Variants in SPPL2B observed in about 807,000 individuals in gnomAD.
The protein encoded by SPPL2B is signal peptide peptidase-like 2B.
A neutral mutation model predicts 59.7 loss-of-function variants in SPPL2B; 39 were observed. The ratio of observed to expected loss-of-function variants is 0.65; its 90% CI spans 0.51 to 0.85. The LOEUF (loss-of-function observed/expected upper bound fraction) is 0.85, where lower values mean the gene tolerates loss of function less well. Ranked by LOEUF, SPPL2B falls within the 40% of genes least tolerant of loss-of-function variation. The pLI, the probability that SPPL2B is intolerant of heterozygous loss-of-function variation, is 0.00. For synonymous variants in SPPL2B, 419 were observed against 370.8 expected (o/e 1.13, Z -1.49); for missense variants, 865 against 849.0 (o/e 1.02, Z -0.23).
chr19:2,343,360 C>T (rs747290001), intron 9 of SPPL2B, 68 bp downstream of exon 9: 20 of 1,312,460 alleles, frequency 1.5e-5, no homozygotes, highest in Admixed American at 5.9e-5. Context: ...TAGCCTGGCC[C>T]GTGTGGGGCT....
chr19:2,353,784 C>T lies in SPPL2B; in HGVS notation c.*575C>T, dbSNP rs147148898. On this transcript the variant is annotated 3_prime_UTR_variant, in exon 15 of 15. Transcript: ENST00000613503. The stretch of plus-strand genomic sequence containing the variant: ...CCCCTGACGCTGGCTGAGACAGGCC[C>T]GTGGGGCGGGGTTTTGGGGCGTGAA... The T allele has an allele frequency of 1.3e-5, 2 of 154,508 alleles. No homozygotes were observed. The highest frequency in any genetic ancestry group is 2.0e-4 in the South Asian group (1 of 4,932). 9.6% of individuals were successfully genotyped at this position (154,508 alleles called of 1,614,324 possible). A position where few individuals can be genotyped will look rare whatever the true frequency, so the allele number is the denominator to read the frequency against.
intron 8 of SPPL2B, chr19:2,341,255 C>G (rs779824503): frequency 3.0e-6 from 2 of 669,192 alleles, no homozygotes; most frequent in Admixed American, 2.1e-5. Flanking sequence ...GCCGGAGCCC[C>G]TGTGGCCAGG....
rs376530365 is a variant in SPPL2B at position 2,339,013 on chromosome 19, G to A, written c.460-56G>A. 188 of 1,529,126 alleles carry A rather than the reference G, an allele frequency of 1.2e-4. No homozygotes were observed. The African/African-American group carries it at 1.7e-3, about 14-fold the overall frequency. 94.7% of individuals were successfully genotyped at this position (1,529,126 alleles called of 1,614,324 possible). ...GCCCCACAGCCCACAGCTGCACGTC[G>A]ACCCATGGCTGGCGGGTGGCTCTGA... On this transcript the variant is annotated intron_variant, in intron 4 of 14. Coordinates refer to ENST00000613503, the MANE Select transcript of SPPL2B (RefSeq NM_152988.3).
Position 2,339,142 on chromosome 19 carries a change from T to C in SPPL2B, c.533T>C (p.Ile178Thr), listed in dbSNP as rs1320328585. 1 of 1,597,136 alleles carries C rather than the reference T, an allele frequency of 6.3e-7. No homozygotes were observed. The highest frequency in any genetic ancestry group is 1.8e-5 in the Admixed American group (1 of 56,990). ...EPVLDYNMVI[I>T]FIMAVGTVAI... Reference sequence around the variant, plus strand: ...GTGCTGGACTACAACATGGTCATCATCTTCATCATGGCTGTGGGCACCGTC... The same window carrying C: ...GTGCTGGACTACAACATGGTCATCACCTTCATCATGGCTGTGGGCACCGTC... The change falls in exon 5 of 15, where the codon ATC (isoleucine) becomes ACC (threonine). Residue 178 changes from isoleucine to threonine, a missense_variant. Transcript: ENST00000613503.
At chr19:2,338,730 G>A (rs191285359) in intron 3 of SPPL2B, 22 bp from the exon 4 acceptor site, 7 of 1,575,112 alleles carry the variant, frequency 4.4e-6, no homozygotes, top group East Asian at 4.5e-5. Flanking sequence ...GATGCCTGCC[G>A]CTCCCTCCTC....
At chr19:2,349,702 A>C (rs1231520894) in intron 13 of SPPL2B, among the ~76,000 whole-genome samples, 1 of 121,938 alleles carries the variant, frequency 8.2e-6, no homozygotes. Context: ...TTCTCTCTCC[A>C]CACACACTCG....
rs1963404393 is a variant in SPPL2B at position 2,339,568 on chromosome 19, T to C, written c.600-256T>C. On this transcript the variant is annotated intron_variant, in intron 5 of 14. Transcript: ENST00000613503. ...TCTTTATGCAGATCCAAGCTGCGGT[T>C]GCTGCCCACACGCCAGCCTCTGGCC... 19 of 593,732 alleles carry C rather than the reference T, an allele frequency of 3.2e-5. No individual in the cohort carries two copies. The South Asian group carries it at 3.6e-4, about 11-fold the overall frequency. 36.8% of individuals were successfully genotyped at this position (593,732 alleles called of 1,614,324 possible). A position where few individuals can be genotyped will look rare whatever the true frequency, so the allele number is the denominator to read the frequency against.
intron 1 of SPPL2B, among the ~76,000 whole-genome samples, chr19:2,329,161 C>T (rs1460471703): frequency 1.3e-5 from 2 of 152,256 alleles, no homozygotes; most frequent in East Asian, 1.9e-4. Flanking sequence ...TCAGTTTCCC[C>T]TTAGGCGGAA....
intron 13 of SPPL2B, among the ~76,000 whole-genome samples, chr19:2,346,648 CAG>C (rs1460710530): frequency 7.2e-5 from 11 of 152,156 alleles, no homozygotes; most frequent in Admixed American, 3.9e-4. Flanking sequence ...GCCTAGGCAA[CAG>C]AGTGAGACCC....
chr19:2,348,483 CCA>C (rs1214913913), intron 13 of SPPL2B, among the ~76,000 whole-genome samples: 4 of 146,764 alleles, frequency 2.7e-5, no homozygotes, highest in Non-Finnish European at 4.5e-5. Context: ...CGTTCTCTCT[CCA>C]CACACACTCA....
intron 2 of SPPL2B, chr19:2,337,204 G>A (rs528509349): frequency 6.9e-6 from 3 of 432,478 alleles, no homozygotes; most frequent in African/African-American, 4.1e-5. Context: ...GGTATCAGGG[G>A]ACAGCCATGT....
chr19:2,338,550 G>C (rs1222674754), intron 3 of SPPL2B: 12 of 545,462 alleles, frequency 2.2e-5, no homozygotes, highest in Non-Finnish European at 3.6e-5. Context: ...GGTGAAGAAG[G>C]CTTGATGCCC....
At position 2,353,098 on chromosome 19, in the gene SPPL2B, C is replaced by T. The variant is rs374772823; in HGVS notation, c.1668C>T (p.Ser556=). Residue 556 remains serine (S), a synonymous_variant, in exon 15 of 15, where the codon TCC becomes TCT. Coordinates refer to ENST00000613503, the MANE Select transcript of SPPL2B (RefSeq NM_152988.3). ...PAEQSPKSRT[S]EEMGAGAPMR... is the part of the protein sequence containing the mutation. ...AGCAGTCCCCAAAATCACGCACGTC[C>T]GAGGAGATGGGGGCTGGAGCCCCCA... 204 of 1,611,322 alleles carry T rather than the reference C, an allele frequency of 1.3e-4. 1 individual carries two copies. The highest frequency in any genetic ancestry group is 7.7e-4 in the African/African-American group (58 of 74,996).
chr19:2,333,552 A>T (rs1211741005), intron 1 of SPPL2B, among the ~76,000 whole-genome samples: 1 of 152,220 alleles, frequency 6.6e-6, no homozygotes, highest in African/African-American at 2.4e-5. Context: ...CTTCTGGTCC[A>T]GGCCCGTCTA....
At chr19:2,334,070 G>T (rs62119740) in intron 1 of SPPL2B, among the ~76,000 whole-genome samples, 1 of 152,210 alleles carries the variant, frequency 6.6e-6, no homozygotes, top group African/African-American at 2.4e-5. Context: ...CCGTGTGCCT[G>T]GGCCCCCGTG....
Position 2,344,538 on chromosome 19 carries a change from T to A in SPPL2B, c.1177-15T>A. 1 of 1,607,028 alleles carries A rather than the reference T, an allele frequency of 6.2e-7. No individual in the cohort carries two copies. Among genetic ancestry groups the A allele is most frequent in the African/African-American group, 1.3e-5 (1 of 74,874 alleles). ...GAGGGTCCTGGAGGACATTGTCCTC[T>A]TCCCGTCTTTGCAGCTGCCCATGGT... On this transcript the variant is annotated splice_polypyrimidine_tract_variant and intron_variant, in intron 11 of 14. Coordinates refer to ENST00000613503, the MANE Select transcript of SPPL2B (RefSeq NM_152988.3).
chr19:2,353,382 C>T lies in SPPL2B; in HGVS notation c.*173C>T, dbSNP rs188657181. On this transcript the variant is annotated 3_prime_UTR_variant, in exon 15 of 15. Coordinates refer to ENST00000613503, the MANE Select transcript of SPPL2B (RefSeq NM_152988.3). ...CCGAGACCCCTGCGGTCTGTGCCCGCGCCCAGCCCAGCTGCCCCGGCTGCA... is the reference window on the plus strand; with the variant it reads ...CCGAGACCCCTGCGGTCTGTGCCCGTGCCCAGCCCAGCTGCCCCGGCTGCA... The T allele has an allele frequency of 6.3e-4, 495 of 790,446 alleles. 1 individual carries two copies. Among genetic ancestry groups the T allele is most frequent in the Admixed American group, 2.0e-3 (65 of 31,874 alleles). 49.0% of individuals were successfully genotyped at this position (790,446 alleles called of 1,614,324 possible).
intron 3 of SPPL2B, chr19:2,337,941 G>T: frequency 3.5e-6 from 1 of 284,620 alleles, no homozygotes; most frequent in Non-Finnish European, 6.6e-6. Context: ...GATGGGATTG[G>T]GGTGGCTTCT....
chr19:2,339,244 C>T (rs376014845), intron 5 of SPPL2B, 36 bp downstream of exon 5: 307 of 1,585,728 alleles, frequency 1.9e-4, no homozygotes, highest in Non-Finnish European at 2.5e-4. Flanking sequence ...GTGACGGGGT[C>T]GGGCGGCTCT....
Sources: allele counts gnomAD v4.1 joint callset (sites outside exome capture counted in the v4.1 genomes callset), GRCh38; gene constraint gnomAD v4.1.1; transcripts MANE v1.5; gene names NCBI Gene and HGNC (gene_info 2026-07-23, HGNC 2026-07-21).